RAB27B: variants seen among roughly 807,000 people sequenced by gnomAD.
RAB27B encodes the protein ras-related protein Rab-27B.
Under a neutral mutation model 24.6 loss-of-function variants are expected in RAB27B, and 15 were observed. The ratio of observed to expected loss-of-function variants is 0.61; its 90% CI spans 0.41 to 0.94. The LOEUF is 0.94. Ranked by LOEUF, RAB27B falls within the 40% of genes least tolerant of loss-of-function variation. RAB27B has a pLI of 0.00. For synonymous variants in RAB27B, 105 were observed against 92.5 expected, an observed-to-expected ratio of 1.14 and a Z score of -0.78; for missense variants, 261 against 266.8, an observed-to-expected ratio of 0.98 and a Z score of 0.15.
At chr18:54,861,258 C>A (rs568141433) in intron 1 of RAB27B, among the ~76,000 whole-genome samples, 8 of 152,282 alleles carry the variant, frequency 5.3e-5, no homozygotes, top group Non-Finnish European at 1.0e-4. Context: ...CTTAGTAAAT[C>A]ATTTTATTAA....
chr18:54,763,620 C>T (rs557570288), intron 2 of RAB27B, among the ~76,000 whole-genome samples: 31 of 152,176 alleles, frequency 2.0e-4, no homozygotes, highest in African/African-American at 7.2e-4. Flanking sequence ...GCCTATGGTA[C>T]GATGTGAAGT....
chr18:54,866,130 A>G (rs1458357157), intron 1 of RAB27B, among the ~76,000 whole-genome samples: 1 of 152,074 alleles, frequency 6.6e-6, no homozygotes, highest in Non-Finnish European at 1.5e-5. Context: ...GTGTGTTTTG[A>G]GAGCCCCCAG....
At chr18:54,839,455 C>G (rs1375756047) in intron 1 of RAB27B, among the ~76,000 whole-genome samples, 2 of 152,096 alleles carry the variant, frequency 1.3e-5, no homozygotes, top group Non-Finnish European at 2.9e-5. Flanking sequence ...CCCATTGTAG[C>G]CATAATCTGA....
intron 2 of RAB27B, among the ~76,000 whole-genome samples, chr18:54,787,827 CTAAGT>C (rs984683223): frequency 6.6e-6 from 1 of 151,904 alleles, no homozygotes; most frequent in Non-Finnish European, 1.5e-5. Flanking sequence ...ATGTACATGC[CTAAGT>C]TAAGTGTTCA....
intron 1 of RAB27B, among the ~76,000 whole-genome samples, chr18:54,859,666 T>C (rs1321040240): frequency 6.6e-6 from 1 of 152,228 alleles, no homozygotes; most frequent in Non-Finnish European, 1.5e-5. Context: ...TAGCTGTAAA[T>C]GTCTTTGTGC....
chr18:54,802,171 G>A (rs1276552259), intron 2 of RAB27B, among the ~76,000 whole-genome samples: 1 of 152,198 alleles, frequency 6.6e-6, no homozygotes, highest in African/African-American at 2.4e-5. Context: ...TACATTGTTT[G>A]CAAATACAAT....
Position 54,893,243 on chromosome 18 carries a change from T to C in RAB27B, c.*3830T>C, listed in dbSNP as rs1423566001. The stretch of plus-strand genomic sequence containing the variant: ...CAAACGTTTGAGGGAAAAATCCTCA[T>C]TCGTAAAGGATTTTGGATGTATAAT... On this transcript the variant is annotated 3_prime_UTR_variant, in exon 6 of 6. Transcript: ENST00000262094. The C allele has an allele frequency of 1.3e-5, 2 of 152,000 alleles. No homozygotes were observed. The highest frequency in any genetic ancestry group is 4.8e-5 in the African/African-American group (2 of 41,422). The allele number at this position is 152,000 out of a possible 1,614,324, so 9.4% of individuals were successfully genotyped here.
At chr18:54,815,016 A>AT (rs1209563340) in intron 2 of RAB27B, among the ~76,000 whole-genome samples, 1 of 152,030 alleles carries the variant, frequency 6.6e-6, no homozygotes, top group African/African-American at 2.4e-5. Flanking sequence ...CTTTACAGGC[A>AT]TTTTTTTCCC....
In RAB27B at chr18:54,776,957, A is replaced by G. The variant is rs369085940; in HGVS notation, c.-20+58816A>G. ...CTACTCGGGAGGTTGAGGCAGGAGA[A>G]TCACCTGAGCCTGGGAGGCAGAGGT... On this transcript the variant is annotated intron_variant, in intron 2 of 4. Transcript: ENST00000586570. Among the ~76,000 whole-genome samples, 14 of 152,252 alleles carry G rather than the reference A, an allele frequency of 9.2e-5. No individual in the cohort carries two copies. In the East Asian group the frequency reaches 2.5e-3, roughly 27 times the overall value.
intron 2 of RAB27B, among the ~76,000 whole-genome samples, chr18:54,722,971 A>T (rs572758104): frequency 7.9e-5 from 12 of 151,970 alleles, no homozygotes; most frequent in Middle Eastern, 3.4e-3. Flanking sequence ...ACTAAACTAA[A>T]TTTTTTTTTA....
At chr18:54,830,392 G>A (rs1221707229) in intron 1 of RAB27B, among the ~76,000 whole-genome samples, 1 of 152,048 alleles carries the variant, frequency 6.6e-6, no homozygotes, top group African/African-American at 2.4e-5. Context: ...AGATCAGTAC[G>A]GCATGAAATA....
rs1168225067 is a variant in RAB27B, at chr18:54,889,080, T to TG, written c.468-143dup. 3 of 728,554 alleles carry TG rather than the reference T, an allele frequency of 4.1e-6. No individual in the cohort carries two copies. The African/African-American group carries it at 5.5e-5, about 13-fold the overall frequency. 45.1% of individuals were successfully genotyped at this position (728,554 alleles called of 1,614,324 possible). ...TTACTCACTGAGGAAAAAACAAGGA[T>TG]GCTTTCCAACTTAGCCAGCAAAACC... On this transcript the variant is annotated intron_variant, in intron 5 of 5. Coordinates refer to ENST00000262094, the MANE Select transcript of RAB27B (RefSeq NM_004163.4).
chr18:54,845,142 C>G (rs981632517), intron 1 of RAB27B, among the ~76,000 whole-genome samples: 2 of 152,132 alleles, frequency 1.3e-5, no homozygotes, highest in Non-Finnish European at 2.9e-5. Context: ...CGCAGTGGCT[C>G]ATGCCTGTAA....
chr18:54,812,550 AACACACACACACACACACACACACACAC>A lies in RAB27B; in HGVS notation c.-19-65000_-19-64973del, dbSNP rs10595171. Among the ~76,000 whole-genome samples, 305 of 139,204 alleles carry A rather than the reference AACACACACACACACACACACACACACAC, an allele frequency of 2.2e-3. 2 individuals carry two copies. Among genetic ancestry groups the A allele is most frequent in the African/African-American group, 7.6e-3 (286 of 37,524 alleles). 91.3% of individuals were successfully genotyped at this position (139,204 alleles called of 152,430 possible). A position where few individuals can be genotyped will look rare whatever the true frequency, so the allele number is the denominator to read the frequency against. ...AGAAGTCTGACCATGGAACTCCTTT[AACACACACACACACACACACACACACAC>A]ACACACACACACACACTCTTATGAA... is the stretch of plus-strand genomic sequence containing the variant. On this transcript the variant is annotated intron_variant, in intron 2 of 4. Transcript: ENST00000586570.
intron 2 of RAB27B, among the ~76,000 whole-genome samples, chr18:54,801,133 T>A (rs921818050): frequency 2.0e-5 from 3 of 150,420 alleles, no homozygotes; most frequent in African/African-American, 7.3e-5. Context: ...CTGCCTCAGA[T>A]TCCCTAGTAG....
chr18:54,749,752 G>T (rs1314697478), intron 2 of RAB27B, among the ~76,000 whole-genome samples: 1 of 152,196 alleles, frequency 6.6e-6, no homozygotes, highest in Non-Finnish European at 1.5e-5. Context: ...AGCTAATACA[G>T]AAGGAAGAAA....
At chr18:54,838,499 CTATT>C (rs1189917656) in intron 1 of RAB27B, among the ~76,000 whole-genome samples, 1 of 152,224 alleles carries the variant, frequency 6.6e-6, no homozygotes, top group African/African-American at 2.4e-5. Context: ...GTATTTCTGA[CTATT>C]TAATAATTAG....
intron 2 of RAB27B, among the ~76,000 whole-genome samples, chr18:54,765,737 C>T (rs1244005924): frequency 1.3e-5 from 2 of 152,296 alleles, no homozygotes; most frequent in South Asian, 2.1e-4. Flanking sequence ...CCCATACCCA[C>T]TTCAACCACA....
intron 1 of RAB27B, among the ~76,000 whole-genome samples, chr18:54,848,499 A>C (rs1331269236): frequency 1.3e-5 from 2 of 152,192 alleles, no homozygotes; most frequent in African/African-American, 4.8e-5. Flanking sequence ...AAGGAGAAAA[A>C]TGAGAGCTTC....
Sources: allele counts gnomAD v4.1 joint callset (sites outside exome capture counted in the v4.1 genomes callset), GRCh38; gene constraint gnomAD v4.1.1; transcripts MANE v1.5; gene names NCBI Gene and HGNC (gene_info 2026-07-23, HGNC 2026-07-21).